The following RAB29 variants were observed in gnomAD, a reference collection of about 807,000 sequenced individuals.
RAB29 encodes the protein RAB29, member RAS oncogene family.
Under a neutral mutation model 25.5 loss-of-function variants are expected in RAB29, and 13 were observed. The observed-to-expected ratio is 0.51, with a 90% CI of 0.33 to 0.81. RAB29 has a LOEUF of 0.81. RAB29 is among the 30% of genes least tolerant of loss of function. The pLI, the probability that RAB29 is intolerant of heterozygous loss-of-function variation, is 0.02. For missense variants in RAB29, 201 were observed against 254.9 expected, an observed-to-expected ratio of 0.79 and a Z score of 1.44; for synonymous variants, 88 against 95.0, an observed-to-expected ratio of 0.93 and a Z score of 0.43.
chr1:205,769,981 G>T lies in RAB29; in HGVS notation c.*361C>A, dbSNP rs1285209494. ...CTCAATTGGAAGTCATGATATCAAT[G>T]AATATCAAATGGAAAAATAAGCTCA... On this transcript the variant is annotated 3_prime_UTR_variant, in exon 6 of 6. Coordinates refer to ENST00000367139, the MANE Select transcript of RAB29 (RefSeq NM_003929.3). 2 of 260,170 alleles carry T rather than the reference G, an allele frequency of 7.7e-6. No homozygotes were observed. The highest frequency in any genetic ancestry group is 1.9e-4 in the East Asian group (2 of 10,706). 16.1% of individuals were successfully genotyped at this position (260,170 alleles called of 1,614,324 possible). A position where few individuals can be genotyped will look rare whatever the true frequency, so the allele number is the denominator to read the frequency against.
intron 2 of RAB29, among the ~76,000 whole-genome samples, chr1:205,774,430 G>C (rs901012505): frequency 1.3e-5 from 2 of 152,176 alleles, no homozygotes; most frequent in Non-Finnish European, 2.9e-5. Context: ...GCCCCAGCCG[G>C]CACCTAACCA....
At chr1:205,772,298 T>C (rs823141) in intron 3 of RAB29, among the ~76,000 whole-genome samples, 198 bp downstream of exon 3, 49,723 of 151,972 alleles carry the variant, frequency 0.33, 9,361 homozygotes, top group Non-Finnish European at 0.42. Flanking sequence ...TCCATCCACA[T>C]AGAGACTGCT....
At position 205,775,017 on chromosome 1, in the gene RAB29, G is replaced by C. The variant is rs1157525519; in HGVS notation, c.-61C>G. 2 of 1,595,926 alleles carry C rather than the reference G, an allele frequency of 1.3e-6. No individual in the cohort carries two copies. Among genetic ancestry groups the C allele is most frequent in the Admixed American group, 1.7e-5 (1 of 59,842 alleles). ...TGTGGTCGGGGATCGGGGGTCGCTC[G>C]TTTTAACCCCTTTGGATCCGGACCC... On this transcript the variant is annotated 5_prime_UTR_variant, in exon 2 of 6. Coordinates refer to ENST00000367139, the MANE Select transcript of RAB29 (RefSeq NM_003929.3).
intron 2 of RAB29, among the ~76,000 whole-genome samples, chr1:205,773,566 C>T (rs1655134100): frequency 6.6e-6 from 1 of 152,150 alleles, no homozygotes; most frequent in South Asian, 2.1e-4. Context: ...GCCCAGGCTA[C>T]AGTGCAGTGA....
At chr1:205,774,752 AC>A (rs1404672817) in intron 2 of RAB29, 80 bp downstream of exon 2, 10 of 1,444,690 alleles carry the variant, frequency 6.9e-6, no homozygotes, top group Non-Finnish European at 9.5e-6. Context: ...GCAAATCCCC[AC>A]CCCACTTGGG....
chr1:205,771,887 C>G (rs1312399437), intron 3 of RAB29, among the ~76,000 whole-genome samples: 4 of 151,746 alleles, frequency 2.6e-5, no homozygotes, highest in African/African-American at 9.7e-5. Context: ...TGACTTCGGG[C>G]AAATCAAGCT....
chr1:205,771,609 C>T lies in RAB29; in HGVS notation c.241G>A (p.Ala81Thr). The stretch of plus-strand genomic sequence containing the variant: ...TCAAACATAATAACACAGGCAGAGG[C>T]ATCCCGATAATACAATCGTGTCATA... ...TSMTRLYYRDASACVIMFDVT... is the reference protein window; with the variant it reads ...TSMTRLYYRDTSACVIMFDVT... The change falls in exon 4 of 6, where the codon GCC becomes ACC. Residue 81 changes from alanine to threonine, a missense_variant. Transcript: ENST00000367139. 6.2e-7 allele frequency: 1 copy of T among 1,614,180 alleles called. No homozygotes were observed. The highest frequency in any genetic ancestry group is 8.5e-7 in the Non-Finnish European group (1 of 1,180,016).
At chr1:205,771,299 A>C in intron 4 of RAB29, 173 bp downstream of exon 4, 1 of 292,830 alleles carries the variant, frequency 3.4e-6, no homozygotes. Flanking sequence ...ACTCCGTCTC[A>C]AAAAAAAAAA....
chr1:205,773,088 A>G (rs1655107354), intron 2 of RAB29, among the ~76,000 whole-genome samples: 1 of 152,192 alleles, frequency 6.6e-6, no homozygotes, highest in Non-Finnish European at 1.5e-5. Context: ...GAATAAATGG[A>G]AAAGGTCCCA....
chr1:205,771,434 T>G, intron 4 of RAB29, 38 bp downstream of exon 4: 1 of 1,601,974 alleles, frequency 6.2e-7, no homozygotes, highest in East Asian at 2.2e-5. Context: ...TAACCACAGA[T>G]AGAGGCTAGG....
chr1:205,774,794 C>CGGCG, intron 2 of RAB29, 39 bp downstream of exon 2: 12 of 1,419,260 alleles, frequency 8.5e-6, no homozygotes, highest in African/African-American at 1.4e-5. Flanking sequence ...TCGGGGCCTC[C>CGGCG]TCCTCCCCCT....
rs56129364 is a variant in RAB29, at chr1:205,768,537, G to GT, written c.*1804dup. 0.88 allele frequency: 126,295 copies of GT among 144,270 alleles called. 56,022 individuals carry two copies. Among genetic ancestry groups the GT allele is most frequent in the Non-Finnish European group, 0.96 (63,449 of 66,268 alleles). 8.9% of individuals were successfully genotyped at this position (144,270 alleles called of 1,614,324 possible). A position where few individuals can be genotyped will look rare whatever the true frequency, so the allele number is the denominator to read the frequency against. On this transcript the variant is annotated 3_prime_UTR_variant, in exon 6 of 6. Coordinates refer to ENST00000367139, the MANE Select transcript of RAB29 (RefSeq NM_003929.3). ...GGGACCCAAAAATCTTTTTCTTTTT[G>GT]TTTTTTTTTTTTGGAGATGGAGTTT... is the stretch of plus-strand genomic sequence containing the variant.
intron 2 of RAB29, 73 bp downstream of exon 2, chr1:205,774,760 T>C: frequency 3.4e-6 from 5 of 1,489,640 alleles, no homozygotes; most frequent in Non-Finnish European, 3.7e-6. Context: ...CCACCCCACT[T>C]GGGTCCCCAG....
intron 1 of RAB29, 88 bp from the exon 2 acceptor site, chr1:205,775,174 AG>A: frequency 1.8e-6 from 1 of 542,580 alleles, no homozygotes; most frequent in Non-Finnish European, 3.1e-6. Context: ...GGTGGGGCGC[AG>A]GGCGCGAGCT....
rs1654925928 is a variant in RAB29 at position 205,770,399 on chromosome 1, G to A, written c.555C>T (p.Ser185=). The change falls in exon 6 of 6, where the codon TCC becomes TCT. Residue 185 remains serine (S), a synonymous_variant. Coordinates refer to ENST00000367139, the MANE Select transcript of RAB29 (RefSeq NM_003929.3). ...RNSTEDIMSL[S]TQGDYINLQT... ...GTAGATTGATGTAGTCCCCTTGGGT[G>A]GACAAAGACATGATATCTTCTGTGG... 1 of 1,614,148 alleles carries A rather than the reference G, an allele frequency of 6.2e-7. No homozygotes were observed. Among genetic ancestry groups the A allele is most frequent in the East Asian group, 2.2e-5 (1 of 44,888 alleles).
chr1:205,774,964 G>T lies in RAB29; in HGVS notation c.-8C>A, dbSNP rs200281913. The T allele has an allele frequency of 1.4e-5, 22 of 1,613,310 alleles. No homozygotes were observed. The East Asian group carries it at 4.0e-4, about 29-fold the overall frequency. Reference sequence around the variant, plus strand: ...GTGGTCGCGGCTGCCCATGGCTAGCGGGGTGTGCGTTTTAGGGAGGCGGGA... The same window carrying T: ...GTGGTCGCGGCTGCCCATGGCTAGCTGGGTGTGCGTTTTAGGGAGGCGGGA... On this transcript the variant is annotated 5_prime_UTR_variant, in exon 2 of 6. Transcript: ENST00000367139.
chr1:205,770,275 TG>T lies in RAB29; in HGVS notation c.*66del. 7.6e-7 allele frequency: 1 copy of T among 1,319,862 alleles called. No homozygotes were observed. The highest frequency in any genetic ancestry group is 1.1e-6 in the Non-Finnish European group (1 of 916,160). 81.8% of individuals were successfully genotyped at this position (1,319,862 alleles called of 1,614,324 possible). ...AAATGTACTTAATAAAATTGTCAGGTGGGCAACCAAAGGGAAGAGACTTAAA... is the reference window on the plus strand; with the variant it reads ...AAATGTACTTAATAAAATTGTCAGGTGGCAACCAAAGGGAAGAGACTTAAA... On this transcript the variant is annotated 3_prime_UTR_variant, in exon 6 of 6. Coordinates refer to ENST00000367139, the MANE Select transcript of RAB29 (RefSeq NM_003929.3).
rs553530506 is a variant in RAB29 at position 205,768,875 on chromosome 1, C to G, written c.*1467G>C. On this transcript the variant is annotated 3_prime_UTR_variant, in exon 6 of 6. Coordinates refer to ENST00000367139, the MANE Select transcript of RAB29 (RefSeq NM_003929.3). Reference sequence around the variant, plus strand: ...TTAAAACATTTTTAAAAAATTTTAACAAACTTCCCAGGTATTCCCGACCAG... The same window carrying G: ...TTAAAACATTTTTAAAAAATTTTAAGAAACTTCCCAGGTATTCCCGACCAG... 1.3e-5 allele frequency: 2 copies of G among 152,236 alleles called. No individual in the cohort carries two copies. Among genetic ancestry groups the G allele is most frequent in the Non-Finnish European group, 2.9e-5 (2 of 68,006 alleles). The allele number at this position is 152,236 out of a possible 1,614,324, so 9.4% of individuals were successfully genotyped here. A position where few individuals can be genotyped will look rare whatever the true frequency, so the allele number is the denominator to read the frequency against.
chr1:205,770,174 A>G lies in RAB29; in HGVS notation c.*168T>C. On this transcript the variant is annotated 3_prime_UTR_variant, in exon 6 of 6. Transcript: ENST00000367139. ...TGAAAGGCTAATCCAGGAGATGCAG[A>G]AATGCACATGGGTTCCAGGTGTCTT... 1 of 646,724 alleles carries G rather than the reference A, an allele frequency of 1.5e-6. No individual in the cohort carries two copies. The highest frequency in any genetic ancestry group is 2.7e-5 in the East Asian group (1 of 36,580). 40.1% of individuals were successfully genotyped at this position (646,724 alleles called of 1,614,324 possible).
Sources: gnomAD v4.1 joint callset for allele counts (sites outside exome capture counted in the v4.1 genomes callset) on GRCh38, gnomAD v4.1.1 for gene constraint, MANE v1.5 for transcripts, NCBI Gene and HGNC (gene_info 2026-07-23, HGNC 2026-07-21) for gene names.